FOXP1: variants seen among roughly 807,000 people sequenced by gnomAD.
FOXP1 encodes the protein forkhead box P1.
FOXP1 carries 15 observed loss-of-function variants against 98.2 expected under a neutral mutation model. The ratio of observed to expected loss-of-function variants is 0.15; its 90% CI spans 0.10 to 0.24. The LOEUF (loss-of-function observed/expected upper bound fraction) is 0.24. FOXP1 is among the 10% of genes least tolerant of loss of function. The pLI, the probability that FOXP1 is intolerant of heterozygous loss-of-function variation, is 1.00. For missense variants in FOXP1, 633 were observed against 848.5 expected (o/e 0.75, Z 3.15); for synonymous variants, 371 against 314.5 (o/e 1.18, Z -1.90).
At chr3:71,570,590 A>G (rs1040938102) in intron 2 of FOXP1, 1 of 152,224 alleles carries the variant, frequency 6.6e-6, no homozygotes, top group African/African-American at 2.4e-5. Context: ...GTTCGAAAAT[A>G]CAGAGGGATC....
intron 18 of FOXP1, chr3:70,972,211 A>G: frequency 6.7e-7 from 1 of 1,497,946 alleles, no homozygotes. Flanking sequence ...AAGGAGATGG[A>G]GTGGCAACAA....
intron 4 of FOXP1, among the ~76,000 whole-genome samples, chr3:71,308,116 C>CCACT: frequency 1.3e-5 from 2 of 150,676 alleles, no homozygotes; most frequent in South Asian, 4.2e-4. Flanking sequence ...CACACAAGCG[C>CCACT]CACTCGCTGT....
At chr3:71,565,217 G>A (rs2046821106) in intron 2 of FOXP1, among the ~76,000 whole-genome samples, 2 of 152,176 alleles carry the variant, frequency 1.3e-5, no homozygotes, top group African/African-American at 4.8e-5. Flanking sequence ...AAAAAAGGAT[G>A]AGAAATGATG....
intron 1 of FOXP1, among the ~76,000 whole-genome samples, chr3:71,583,083 G>A (rs2048318778): frequency 6.6e-6 from 1 of 151,714 alleles, no homozygotes; most frequent in Non-Finnish European, 1.5e-5. Context: ...CACCGGCCCC[G>A]CGCCCGGGCG....
At chr3:71,044,585 T>C (rs2048778424) in intron 10 of FOXP1, among the ~76,000 whole-genome samples, 1 of 152,236 alleles carries the variant, frequency 6.6e-6, no homozygotes, top group South Asian at 2.1e-4. Context: ...ATTTACATGT[T>C]TAAGGTTAAC....
chr3:71,377,533 G>C (rs1160231553), intron 3 of FOXP1, among the ~76,000 whole-genome samples: 1 of 152,070 alleles, frequency 6.6e-6, no homozygotes, highest in East Asian at 1.9e-4. Flanking sequence ...GAAAACTGAG[G>C]CTTAAAATAC....
At chr3:71,034,128 T>C (rs1048778008) in intron 11 of FOXP1, among the ~76,000 whole-genome samples, 2 of 152,132 alleles carry the variant, frequency 1.3e-5, no homozygotes, top group African/African-American at 4.8e-5. Flanking sequence ...CTGACTTCCC[T>C]GCCAGCAAAA....
intron 2 of FOXP1, among the ~76,000 whole-genome samples, chr3:71,557,517 G>C (rs2046229212): frequency 6.6e-6 from 1 of 152,124 alleles, no homozygotes; most frequent in Non-Finnish European, 1.5e-5. Context: ...CTACGAAAAA[G>C]AAAAGGTGCC....
At chr3:71,168,050 C>T (rs572790223) in intron 6 of FOXP1, among the ~76,000 whole-genome samples, 14 of 152,096 alleles carry the variant, frequency 9.2e-5, no homozygotes, top group South Asian at 2.1e-4. Context: ...TTAATTAAGA[C>T]GCATTTATTG....
In FOXP1 at chr3:71,041,504, G is replaced by A; in HGVS notation, c.693C>T (p.Leu231=). ...TATGAGCACTTGTCACTTCTTTCCA[G>A]AGCTGCTGCAGTTCTGTTGGAATCA... ...QGMIPTELQQ[L]WKEVTSAHTA... The change falls in exon 11 of 21, where the codon CTC becomes CTT. Residue 231 remains leucine, a synonymous_variant. Transcript: ENST00000649528. 6.2e-7 allele frequency: 1 copy of A among 1,613,804 alleles called. No individual in the cohort carries two copies. The highest frequency in any genetic ancestry group is 8.5e-7 in the Non-Finnish European group (1 of 1,179,784).
At position 71,492,428 on chromosome 3, in the gene FOXP1, G is replaced by A. The variant is rs1466062140; in HGVS notation, c.-168+998C>T. On this transcript the variant is annotated intron_variant, in intron 3 of 20. Coordinates refer to ENST00000649528, the MANE Select transcript of FOXP1 (RefSeq NM_001349338.3). ...GATCGCGCCACTGCACTCCAGCCTG[G>A]AACAATTGGGAAACTCCGTCTCCAA... is the stretch of plus-strand genomic sequence containing the variant. Among the ~76,000 whole-genome samples, 6 of 148,488 alleles carry A rather than the reference G, an allele frequency of 4.0e-5. No homozygotes were observed. In the South Asian group the frequency reaches 6.4e-4, roughly 16 times the overall value.
chr3:71,086,936 G>A (rs1448822153), intron 7 of FOXP1, among the ~76,000 whole-genome samples: 3 of 152,080 alleles, frequency 2.0e-5, no homozygotes, highest in African/African-American at 4.8e-5. Flanking sequence ...TAATGACTTT[G>A]GAAGCACCAG....
intron 6 of FOXP1, among the ~76,000 whole-genome samples, chr3:71,189,120 A>AAGG (rs1340179120): frequency 2.0e-5 from 3 of 152,186 alleles, no homozygotes; most frequent in Non-Finnish European, 4.4e-5. Context: ...ATACCTCCTA[A>AAGG]ATGAGTCTTC....
chr3:71,188,082 T>C (rs2062750560), intron 6 of FOXP1, among the ~76,000 whole-genome samples: 1 of 152,252 alleles, frequency 6.6e-6, no homozygotes, highest in South Asian at 2.1e-4. Context: ...CTTATTTTGT[T>C]AATTTTTTCC....
intron 5 of FOXP1, among the ~76,000 whole-genome samples, chr3:71,266,363 C>G (rs2069661766): frequency 6.6e-6 from 1 of 152,030 alleles, no homozygotes; most frequent in African/African-American, 2.4e-5. Context: ...AATTCTCCTG[C>G]CTCAGCCTCC....
chr3:71,171,471 G>A (rs550558267), intron 6 of FOXP1, among the ~76,000 whole-genome samples: 7 of 152,252 alleles, frequency 4.6e-5, no homozygotes, highest in African/African-American at 1.4e-4. Flanking sequence ...TCCTCTTGTT[G>A]TTAGTACCTT....
chr3:71,084,715 C>G (rs759017210), intron 7 of FOXP1, among the ~76,000 whole-genome samples: 7 of 152,138 alleles, frequency 4.6e-5, no homozygotes, highest in Non-Finnish European at 5.9e-5. Context: ...TTTGCTTTCT[C>G]CTAAATAAAA....
intron 2 of FOXP1, among the ~76,000 whole-genome samples, chr3:71,495,332 CTTCAGAGCT>C (rs984442806): frequency 6.6e-6 from 1 of 152,258 alleles, no homozygotes; most frequent in Non-Finnish European, 1.5e-5. Flanking sequence ...TATGTGCTTA[CTTCAGAGCT>C]TTCGCCCTGA....
At chr3:70,977,367 T>C (rs1332753214) in intron 16 of FOXP1, among the ~76,000 whole-genome samples, 2 of 152,338 alleles carry the variant, frequency 1.3e-5, no homozygotes, top group South Asian at 2.1e-4. Context: ...AGATTAATTC[T>C]AGGGATCAGA....
Sources: gnomAD v4.1 joint callset for allele counts (sites outside exome capture counted in the v4.1 genomes callset) on GRCh38, gnomAD v4.1.1 for gene constraint, MANE v1.5 for transcripts, NCBI Gene and HGNC (gene_info 2026-07-23, HGNC 2026-07-21) for gene names.